MSI1: variants seen among roughly 807,000 people sequenced by gnomAD.
The protein encoded by MSI1 is musashi RNA binding protein 1.
Under a neutral mutation model 54.4 loss-of-function variants are expected in MSI1, and 15 were observed. The ratio of observed to expected loss-of-function variants is 0.28; its 90% CI spans 0.18 to 0.42. The LOEUF is 0.42. Ranked by LOEUF, MSI1 falls within the 20% of genes least tolerant of loss-of-function variation. The pLI, the probability that MSI1 is intolerant of heterozygous loss-of-function variation, is 1.00. For synonymous variants in MSI1, 200 were observed against 196.5 expected, an observed-to-expected ratio of 1.02 and a Z score of -0.15; for missense variants, 304 against 506.0, an observed-to-expected ratio of 0.60 and a Z score of 3.83.
At chr12:120,347,575 G>T in intron 11 of MSI1, 61 bp from the exon 12 acceptor site, 1 of 1,600,918 alleles carries the variant, frequency 6.2e-7, no homozygotes. Flanking sequence ...GGTGAAGGAG[G>T]CCCCTACCTT....
intron 11 of MSI1, among the ~76,000 whole-genome samples, chr12:120,348,825 G>A (rs2136913759): frequency 6.6e-6 from 1 of 152,196 alleles, no homozygotes; most frequent in Non-Finnish European, 1.5e-5. Flanking sequence ...CCCAGGAGGT[G>A]GAGGTTGCGG....
chr12:120,346,010 T>C (rs1040033675), intron 13 of MSI1, 125 bp downstream of exon 13: 1 of 866,930 alleles, frequency 1.2e-6, no homozygotes, highest in Non-Finnish European at 1.7e-6. Context: ...TAGTGATCTT[T>C]CTCCATTCAT....
intron 14 of MSI1, among the ~76,000 whole-genome samples, chr12:120,344,375 A>G (rs540290399): frequency 1.3e-5 from 2 of 152,248 alleles, no homozygotes; most frequent in South Asian, 2.1e-4. Flanking sequence ...TGCTTCTCCC[A>G]TATCTTGATC....
chr12:120,343,380 C>G (rs1334525239), intron 14 of MSI1, among the ~76,000 whole-genome samples: 1 of 152,102 alleles, frequency 6.6e-6, no homozygotes, highest in Non-Finnish European at 1.5e-5. Context: ...AAAGCAAACA[C>G]ACTCTGCTCA....
At chr12:120,355,229 C>T (rs1874991403) in intron 9 of MSI1, among the ~76,000 whole-genome samples, 1 of 151,528 alleles carries the variant, frequency 6.6e-6, no homozygotes, top group Non-Finnish European at 1.5e-5. Context: ...CACAGTGAAA[C>T]CCCGTCTCTA....
At chr12:120,359,218 A>C (rs1209826747) in intron 6 of MSI1, among the ~76,000 whole-genome samples, 165 bp from the exon 7 acceptor site, 3 of 151,436 alleles carry the variant, frequency 2.0e-5, no homozygotes, top group African/African-American at 7.3e-5. Flanking sequence ...CCCACTGAAA[A>C]CCCTTTTCAA....
chr12:120,368,741 G>A lies in MSI1; in HGVS notation c.100+92C>T. ...GGCGCGAGGGCGCCCGGGGTCAGCA[G>A]GGCGCAGGGCCGGGCTGGGGTGTCC... On this transcript the variant is annotated intron_variant, in intron 2 of 14. Coordinates refer to ENST00000257552, the MANE Select transcript of MSI1 (RefSeq NM_002442.4). The surrounding 1 kb of genome is among the most constrained non-coding windows in gnomAD (Gnocchi z 6.6). 1 of 1,160,790 alleles carries A rather than the reference G, an allele frequency of 8.6e-7. No individual in the cohort carries two copies. Among genetic ancestry groups the A allele is most frequent in the African/African-American group, 1.6e-5 (1 of 61,386 alleles). The allele number at this position is 1,160,790 out of a possible 1,614,324, so 71.9% of individuals were successfully genotyped here. A position where few individuals can be genotyped will look rare whatever the true frequency, so the allele number is the denominator to read the frequency against.
At chr12:120,359,272 T>C (rs1473044385) in intron 6 of MSI1, among the ~76,000 whole-genome samples, 1 of 152,206 alleles carries the variant, frequency 6.6e-6, no homozygotes, top group African/African-American at 2.4e-5. Context: ...TTAAGCTCCA[T>C]TGTCCTCCCA....
chr12:120,363,296 C>A lies in MSI1; in HGVS notation c.310-161G>T, dbSNP rs111891989. 2.9e-5 allele frequency among the ~76,000 whole-genome samples: 4 copies of A among 139,820 alleles called. No homozygotes were observed. In the East Asian group the frequency reaches 6.9e-4, roughly 24 times the overall value. The allele number at this position is 139,820 out of a possible 152,430, so 91.7% of individuals were successfully genotyped here. On this transcript the variant is annotated intron_variant, in intron 5 of 14. Coordinates refer to ENST00000257552, the MANE Select transcript of MSI1 (RefSeq NM_002442.4). ...CGCAAGCTCCCTCTTGGACCCCCGCCTCTAGGCCTGTCATGGGCAGCTGTG... is the reference window on the plus strand; with the variant it reads ...CGCAAGCTCCCTCTTGGACCCCCGCATCTAGGCCTGTCATGGGCAGCTGTG...
At chr12:120,355,063 T>C (rs1271174846) in intron 9 of MSI1, among the ~76,000 whole-genome samples, 1 of 145,446 alleles carries the variant, frequency 6.9e-6, no homozygotes, top group Non-Finnish European at 1.5e-5. Context: ...AAAAGAGCAT[T>C]ATTGGGTCAA....
downstream of MSI1, among the ~76,000 whole-genome samples, chr12:120,340,516 CTTCTT>C (rs1342307424): frequency 2.6e-5 from 4 of 152,018 alleles, no homozygotes; most frequent in Non-Finnish European, 5.9e-5. Flanking sequence ...CTCTCTCTCT[CTTCTT>C]TTTTTTTGAG....
intron 14 of MSI1, among the ~76,000 whole-genome samples, chr12:120,345,246 C>A (rs563275527): frequency 6.6e-6 from 1 of 151,848 alleles, no homozygotes; most frequent in Non-Finnish European, 1.5e-5. Flanking sequence ...CCCAGCTACT[C>A]GGGAGGAGTC....
chr12:120,346,639 C>T (rs1874148351), intron 12 of MSI1, among the ~76,000 whole-genome samples: 2 of 152,248 alleles, frequency 1.3e-5, no homozygotes, highest in South Asian at 2.1e-4. Context: ...CCCCACCACC[C>T]GGGCTCCTCC....
Position 120,369,147 on chromosome 12 carries a change from G to C in MSI1, c.-56C>G. ...CGGCGGCGGCGGCGGCGGCGGCGGC[G>C]CTCGGCGCGGGGCAGATGAGGAGCG... On this transcript the variant is annotated 5_prime_UTR_variant, in exon 1 of 15. Transcript: ENST00000257552. 1 of 1,000,008 alleles carries C rather than the reference G, an allele frequency of 1.0e-6. No homozygotes were observed. Among genetic ancestry groups the C allele is most frequent in the Non-Finnish European group, 1.2e-6 (1 of 844,366 alleles). The allele number at this position is 1,000,008 out of a possible 1,614,324, so 61.9% of individuals were successfully genotyped here.
At chr12:120,343,258 A>C (rs1318041937) in intron 14 of MSI1, among the ~76,000 whole-genome samples, 153 bp from the exon 15 acceptor site, 1 of 152,100 alleles carries the variant, frequency 6.6e-6, no homozygotes, top group Non-Finnish European at 1.5e-5. Context: ...GCTGGAGTGC[A>C]GTGACAGCGA....
chr12:120,341,072 G>C (rs1873651549), downstream of MSI1, among the ~76,000 whole-genome samples: 1 of 151,880 alleles, frequency 6.6e-6, no homozygotes, highest in Non-Finnish European at 1.5e-5. Flanking sequence ...TTTTAGTAGA[G>C]ATGGGGTTTC....
chr12:120,364,015 G>A (rs1319729001), intron 5 of MSI1, among the ~76,000 whole-genome samples: 1 of 152,184 alleles, frequency 6.6e-6, no homozygotes, highest in Non-Finnish European at 1.5e-5. Flanking sequence ...CTCTCCTTCT[G>A]TCCTCTATAT....
chr12:120,350,728 G>A (rs1874526480), intron 11 of MSI1, among the ~76,000 whole-genome samples: 1 of 152,176 alleles, frequency 6.6e-6, no homozygotes, highest in Non-Finnish European at 1.5e-5. Context: ...CAGGAAACCG[G>A]CCCCCTGTCA....
At chr12:120,363,687 C>T (rs1875836726) in intron 5 of MSI1, among the ~76,000 whole-genome samples, 1 of 152,246 alleles carries the variant, frequency 6.6e-6, no homozygotes, top group African/African-American at 2.4e-5. Flanking sequence ...TGTCACCAAA[C>T]TGCTTAATGG....
Sources: allele counts gnomAD v4.1 joint callset (sites outside exome capture counted in the v4.1 genomes callset), GRCh38; gene constraint gnomAD v4.1.1; non-coding constraint Gnocchi (gnomAD v3.1); transcripts MANE v1.5; gene names NCBI Gene and HGNC (gene_info 2026-07-23, HGNC 2026-07-21).